Variants in ELF4 observed in about 807,000 individuals in gnomAD.
The protein encoded by ELF4 is E74 like ETS transcription factor 4.
Under a neutral mutation model 31.7 loss-of-function variants are expected in ELF4, and 10 were observed. The ratio of observed to expected loss-of-function variants is 0.32; its 90% CI spans 0.19 to 0.54. The LOEUF is 0.54. Ranked by LOEUF, ELF4 falls within the 20% of genes least tolerant of loss-of-function variation. ELF4 has a pLI of 0.95. For missense variants in ELF4, 418 were observed against 522.0 expected, an observed-to-expected ratio of 0.80 and a Z score of 1.94; for synonymous variants, 208 against 226.7, an observed-to-expected ratio of 0.92 and a Z score of 0.74.
chrX:130,095,904 G>C (rs1361590154), intron 1 of ELF4, among the ~76,000 whole-genome samples: 9 of 111,637 alleles, frequency 8.1e-5, no homozygotes, highest in African/African-American at 2.9e-4. Flanking sequence ...TTTATGGAAA[G>C]TCAGCCTTGA....
intron 1 of ELF4, among the ~76,000 whole-genome samples, chrX:130,086,240 G>A (rs1044965736): frequency 6.2e-5 from 7 of 112,380 alleles, no homozygotes; most frequent in Admixed American, 4.7e-4. Context: ...AAGCTCTGTT[G>A]GTTGGGGTTT....
intron 2 of ELF4, among the ~76,000 whole-genome samples, chrX:130,077,187 T>G (rs1286456400): frequency 3.6e-5 from 4 of 112,048 alleles, no homozygotes; most frequent in Admixed American, 2.9e-4. Flanking sequence ...GCTTAAAAAT[T>G]TATTTCTTCA....
chrX:130,102,958 G>A (rs1168346917), intron 1 of ELF4, among the ~76,000 whole-genome samples: 1 of 47,149 alleles, frequency 2.1e-5, no homozygotes, highest in Admixed American at 2.0e-4. Flanking sequence ...AAGGAAGGGA[G>A]GGAGGAAGGA....
chrX:130,072,442 G>A, intron 4 of ELF4, 25 bp from the exon 5 acceptor site: 1 of 1,209,599 alleles, frequency 8.3e-7, no homozygotes, highest in Non-Finnish European at 1.1e-6. Flanking sequence ...ACCTGAGGTG[G>A]GCGGGGCCCA....
At chrX:130,094,703 G>A (rs1933121365) in intron 1 of ELF4, among the ~76,000 whole-genome samples, 1 of 111,369 alleles carries the variant, frequency 9.0e-6, no homozygotes, top group Admixed American at 9.5e-5. Flanking sequence ...GTACCTGCTT[G>A]TCCACTCCTG....
intron 1 of ELF4, among the ~76,000 whole-genome samples, chrX:130,102,787 A>G (rs1457802337): frequency 9.4e-6 from 1 of 106,454 alleles, no homozygotes; most frequent in Admixed American, 1.0e-4. Context: ...ACTGCACTCC[A>G]GCCTGGGCAA....
intron 1 of ELF4, among the ~76,000 whole-genome samples, chrX:130,096,634 C>CT (rs1208593491): frequency 1.9e-4 from 21 of 107,899 alleles, no homozygotes; most frequent in East Asian, 8.6e-4. Context: ...AAGCAGTTGT[C>CT]TTTTTTTTTT....
intron 3 of ELF4, 40 bp downstream of exon 3, chrX:130,074,541 T>A (rs1357023244): frequency 5.8e-6 from 7 of 1,207,889 alleles, no homozygotes; most frequent in Non-Finnish European, 5.6e-6. Flanking sequence ...ACACAGCCCC[T>A]TTTTCTACCA....
At chrX:130,074,545 T>G in intron 3 of ELF4, 36 bp downstream of exon 3, 6 of 1,211,441 alleles carry the variant, frequency 5.0e-6, no homozygotes, top group Non-Finnish European at 5.6e-6. Flanking sequence ...AGCCCCTTTT[T>G]CTACCACACC....
At chrX:130,073,545 CTT>C (rs1932806795) in intron 4 of ELF4, among the ~76,000 whole-genome samples, 1 of 112,249 alleles carries the variant, frequency 8.9e-6, no homozygotes, top group Non-Finnish European at 1.9e-5. Flanking sequence ...GAGGTTCGCT[CTT>C]GTCACCCAGG....
At chrX:130,081,614 C>T (rs1465151778) in intron 1 of ELF4, 75 bp from the exon 2 acceptor site, 1 of 391,052 alleles carries the variant, frequency 2.6e-6, no homozygotes, top group South Asian at 3.6e-5. Context: ...TGCCTATGAA[C>T]CAGAGGGACC....
intron 2 of ELF4, among the ~76,000 whole-genome samples, chrX:130,080,475 T>C (rs1485185789): frequency 1.9e-5 from 2 of 107,909 alleles, no homozygotes; most frequent in Admixed American, 2.0e-4. Context: ...TCAGGTGACA[T>C]TGTGGCCAAA....
At chrX:130,111,258 C>CTGCT (rs1933485347), upstream of ELF4, among the ~76,000 whole-genome samples, 1 of 112,070 alleles carries the variant, frequency 8.9e-6, no homozygotes, top group African/African-American at 3.2e-5. Flanking sequence ...TCCGAGCTCT[C>CTGCT]TGCTCGTTCC....
rs369991603 is a variant in ELF4 at position 130,072,376 on chromosome X, C to T, written c.382G>A (p.Ala128Thr). 1 of 1,212,181 alleles carries T rather than the reference C, an allele frequency of 8.2e-7. No individual in the cohort carries two copies. The highest frequency in any genetic ancestry group is 1.1e-6 in the Non-Finnish European group (1 of 895,582). ...AACAGGTAGTTGGGCAGAGTGACAG[C>T]TGGTGCAGGGTCCGAGTCTGGAAGC... ...EMLPDSDPAP[A>T]VTLPNYLFPA... is the part of the protein sequence containing the mutation. Residue 128 changes from alanine to threonine, a missense_variant, in exon 5 of 9, where the codon GCT (alanine) becomes ACT (threonine). Ala to Thr is a moderately conservative substitution (Grantham distance 58, BLOSUM62 0). Around this residue, in one of 4 missense-constraint regions of ELF4, gnomAD observed 88 missense variants for 92.4 expected, o/e 0.95. Transcript: ENST00000308167.
chrX:130,105,014 AAG>A (rs1491124007), intron 1 of ELF4, among the ~76,000 whole-genome samples: 1,934 of 75,190 alleles, frequency 0.026, 48 homozygotes, highest in African/African-American at 0.095. Context: ...ACAAAAAAAA[AAG>A]AAAATTAGCT....
intron 1 of ELF4, among the ~76,000 whole-genome samples, chrX:130,101,671 A>G (rs1175394220): frequency 9.1e-6 from 1 of 110,042 alleles, no homozygotes; most frequent in Non-Finnish European, 1.9e-5. Flanking sequence ...CATGACTGTA[A>G]TCCCAGGTAC....
intron 1 of ELF4, among the ~76,000 whole-genome samples, chrX:130,082,423 G>C (rs778735535): frequency 4.8e-4 from 54 of 112,196 alleles, no homozygotes; most frequent in African/African-American, 1.5e-3. Flanking sequence ...AGTTTCAAGA[G>C]TGAACTGTCA....
At chrX:130,095,854 C>T (rs1933139613) in intron 1 of ELF4, among the ~76,000 whole-genome samples, 1 of 111,852 alleles carries the variant, frequency 8.9e-6, no homozygotes, top group South Asian at 3.7e-4. Context: ...TAAGTCTGGG[C>T]TCTTATCTTG....
Position 130,065,186 on chromosome X carries a change from A to G in ELF4, c.*1535T>C, listed in dbSNP as rs1932634858. On this transcript the variant is annotated 3_prime_UTR_variant, in exon 9 of 9. Coordinates refer to ENST00000308167, the MANE Select transcript of ELF4 (RefSeq NM_001421.4). ...CTCAGGCACTGATTCACATTACCCA[A>G]AGTCACCAGATAATAGAGTTGTTTC... is the stretch of plus-strand genomic sequence containing the variant. 5.8e-6 allele frequency: 1 copy of G among 173,325 alleles called. No homozygotes were observed. Among genetic ancestry groups the G allele is most frequent in the Non-Finnish European group, 1.1e-5 (1 of 90,840 alleles). 14.3% of individuals were successfully genotyped at this position (173,325 alleles called of 1,213,427 possible).
Sources: allele counts gnomAD v4.1 joint callset (sites outside exome capture counted in the v4.1 genomes callset), GRCh38; gene constraint gnomAD v4.1.1; regional missense constraint gnomAD v4.1.1; transcripts MANE v1.5; gene names NCBI Gene and HGNC (gene_info 2026-07-23, HGNC 2026-07-21).